The following ELF2 variants were observed in gnomAD, a reference collection of about 807,000 sequenced individuals.
The protein encoded by ELF2 is ETS-related transcription factor Elf-2.
A neutral mutation model predicts 54.8 loss-of-function variants in ELF2; 11 were observed. That is an observed-to-expected ratio of 0.20 (90% confidence interval 0.13 to 0.33). ELF2 has a LOEUF of 0.33. Among genes scored for constraint, ELF2 ranks in the 10% least tolerant of loss-of-function variants. ELF2 has a pLI of 1.00. For synonymous variants in ELF2, 203 were observed against 245.1 expected (o/e 0.83, Z 1.61); for missense variants, 513 against 703.0 (o/e 0.73, Z 3.06).
At chr4:139,106,336 A>G (rs1734403735) in intron 4 of ELF2, among the ~76,000 whole-genome samples, 1 of 147,822 alleles carries the variant, frequency 6.8e-6, no homozygotes, top group Non-Finnish European at 1.5e-5. Context: ...ATGGATTATT[A>G]GAGAAAAGAG....
intron 4 of ELF2, among the ~76,000 whole-genome samples, chr4:139,110,483 C>A (rs1278986667): frequency 6.6e-6 from 1 of 152,136 alleles, no homozygotes; most frequent in Non-Finnish European, 1.5e-5. Context: ...GAACTGACAA[C>A]CATATCATAG....
intron 1 of ELF2, among the ~76,000 whole-genome samples, chr4:139,158,850 T>C (rs1356714721): frequency 6.6e-6 from 1 of 152,194 alleles, no homozygotes; most frequent in Non-Finnish European, 1.5e-5. Context: ...GAGTCCTTTT[T>C]TTTAAGTTGG....
chr4:139,153,834 T>C (rs970654924), intron 1 of ELF2, among the ~76,000 whole-genome samples: 7 of 152,248 alleles, frequency 4.6e-5, no homozygotes, highest in Non-Finnish European at 8.8e-5. Flanking sequence ...TGCAGATTCA[T>C]AGAGTGCCAG....
At chr4:139,169,723 G>A (rs868103347) in intron 1 of ELF2, among the ~76,000 whole-genome samples, 86 of 152,192 alleles carry the variant, frequency 5.7e-4, no homozygotes, top group African/African-American at 1.9e-3. Flanking sequence ...TGGGCATGGT[G>A]GCGGGCGCCT....
At chr4:139,164,815 T>C (rs1741562657) in intron 1 of ELF2, among the ~76,000 whole-genome samples, 1 of 152,238 alleles carries the variant, frequency 6.6e-6, no homozygotes, top group Non-Finnish European at 1.5e-5. Context: ...CAGTTCTGTA[T>C]TGGCTTTTAC....
intron 4 of ELF2, among the ~76,000 whole-genome samples, chr4:139,095,184 GA>G (rs923964898): frequency 1.4e-5 from 2 of 143,736 alleles, no homozygotes; most frequent in African/African-American, 5.2e-5. Context: ...ATTTGCTATA[GA>G]TTTTTTTTTT....
intron 1 of ELF2, among the ~76,000 whole-genome samples, chr4:139,164,579 G>A (rs368700611): frequency 5.9e-5 from 9 of 152,296 alleles, no homozygotes; most frequent in South Asian, 2.1e-4. Flanking sequence ...AGAGATTGCC[G>A]TGAGCCAAGA....
At chr4:139,134,249 T>C (rs145394420) in intron 3 of ELF2, among the ~76,000 whole-genome samples, 9 of 152,228 alleles carry the variant, frequency 5.9e-5, no homozygotes, top group East Asian at 3.9e-4. Flanking sequence ...CCTGTTGATA[T>C]GGTGAATCAC....
Position 139,073,463 on chromosome 4 carries a change from T to C in ELF2, c.343A>G (p.Arg115Gly). Residue 115 changes from arginine (R) to glycine (G), a missense_variant, in exon 5 of 10, where the codon AGA becomes GGA. This residue lies in a region of ELF2 where 203 missense variants were observed against 245.9 expected (regional missense o/e 0.83). Coordinates refer to ENST00000686138, the MANE Select transcript of ELF2 (RefSeq NM_001331036.3). ...MESPTCLRDS[R>G]SPVEVFVPPC... ...TGAACAGTTTACATACCAGGACTTC[T>C]TGAATCCCTCAAGCAGGTAGGAGAT... 1 of 1,605,058 alleles carries C rather than the reference T, an allele frequency of 6.2e-7. No homozygotes were observed. The highest frequency in any genetic ancestry group is 1.3e-5 in the African/African-American group (1 of 74,798).
At chr4:139,088,148 G>A (rs143755391) in intron 4 of ELF2, among the ~76,000 whole-genome samples, 2 of 152,050 alleles carry the variant, frequency 1.3e-5, no homozygotes, top group African/African-American at 4.8e-5. Context: ...TTAGCTGGGT[G>A]TGGTGGCGCA....
intron 3 of ELF2, 41 bp downstream of exon 3, chr4:139,137,589 T>G: frequency 6.3e-7 from 1 of 1,596,430 alleles, no homozygotes; most frequent in Non-Finnish European, 8.6e-7. Flanking sequence ...TGCACAAATT[T>G]CTATGAAGAA....
chr4:139,125,894 A>C (rs1736870923), intron 3 of ELF2, among the ~76,000 whole-genome samples: 1 of 152,084 alleles, frequency 6.6e-6, no homozygotes, highest in Non-Finnish European at 1.5e-5. Flanking sequence ...TCTCTCCTTC[A>C]TGATGCTAAG....
chr4:139,132,612 A>C (rs533379772), intron 3 of ELF2, among the ~76,000 whole-genome samples: 2 of 152,130 alleles, frequency 1.3e-5, no homozygotes, highest in Admixed American at 1.3e-4. Context: ...TGCATGTATC[A>C]ATACTTCATC....
chr4:139,115,257 C>T (rs1173755845), intron 4 of ELF2: 2 of 1,607,598 alleles, frequency 1.2e-6, no homozygotes, highest in Non-Finnish European at 1.7e-6. Flanking sequence ...CGCCCGGGCC[C>T]TCTCCTGCGG....
chr4:139,149,635 A>T (rs1739648879), intron 1 of ELF2, among the ~76,000 whole-genome samples: 1 of 152,200 alleles, frequency 6.6e-6, no homozygotes, highest in Non-Finnish European at 1.5e-5. Flanking sequence ...AATAAAAATA[A>T]AAAACTAAAC....
chr4:139,167,598 G>C (rs1435356544), intron 1 of ELF2, among the ~76,000 whole-genome samples: 2 of 152,136 alleles, frequency 1.3e-5, no homozygotes, highest in African/African-American at 4.8e-5. Flanking sequence ...CACTGTATTT[G>C]AGTTTTTATT....
Position 139,061,903 on chromosome 4 carries a change from T to C in ELF2, c.768A>G (p.Lys256=), listed in dbSNP as rs762484508. The C allele has an allele frequency of 3.7e-6, 6 of 1,613,864 alleles. No individual in the cohort carries two copies. In the East Asian group the frequency reaches 1.1e-4, roughly 30 times the overall value. Residue 256 remains lysine (K), a synonymous_variant, in exon 8 of 10, where the codon AAA becomes AAG. Transcript: ENST00000686138. ...VSKLWGKHKN[K]PDMNYETMGR... ...CCATGGTTTCATAGTTCATGTCTGG[T>C]TTGTTCTTATGCTTTCCCCAAAGCT...
At chr4:139,076,532 T>G (rs1483315938) in intron 4 of ELF2, among the ~76,000 whole-genome samples, 1 of 152,164 alleles carries the variant, frequency 6.6e-6, no homozygotes, top group Non-Finnish European at 1.5e-5. Flanking sequence ...TTAGCTCTTG[T>G]CTTAGGTGCT....
chr4:139,102,966 C>G (rs542566081), intron 4 of ELF2, among the ~76,000 whole-genome samples: 2 of 152,218 alleles, frequency 1.3e-5, no homozygotes, highest in South Asian at 4.1e-4. Flanking sequence ...GCAGCCTTGA[C>G]CTACCAAGTG....
Sources: allele counts gnomAD v4.1 joint callset (sites outside exome capture counted in the v4.1 genomes callset), GRCh38; gene constraint gnomAD v4.1.1; regional missense constraint gnomAD v4.1.1; transcripts MANE v1.5; gene names NCBI Gene and HGNC (gene_info 2026-07-23, HGNC 2026-07-21).